The following TECPR2 variants were observed in gnomAD, a reference collection of about 807,000 sequenced individuals.
TECPR2 encodes tectonin beta-propeller repeat-containing protein 2.
A neutral mutation model predicts 138.1 loss-of-function variants in TECPR2; 65 were observed. The observed-to-expected ratio is 0.47, with a 90% CI of 0.39 to 0.58. The LOEUF (loss-of-function observed/expected upper bound fraction) is 0.58. Ranked by LOEUF, TECPR2 falls within the 20% of genes least tolerant of loss-of-function variation. The probability of loss-of-function intolerance (pLI) is 0.00; values close to 1 mark genes in which losing one functional copy is unlikely to be tolerated. For synonymous variants in TECPR2, 746 were observed against 749.8 expected (o/e 0.99, Z 0.08); for missense variants, 1,553 against 1,824.5 (o/e 0.85, Z 2.71).
chr14:102,496,934 G>C (rs1891296630), intron 17 of TECPR2, 45 bp from the exon 18 acceptor site: 1 of 1,603,630 alleles, frequency 6.2e-7, no homozygotes, highest in African/African-American at 1.3e-5. Context: ...CCTTTCTCTT[G>C]TCACCCAACT....
rs191411462 is a variant in TECPR2, at chr14:102,375,505, C to T, written c.-72-1145C>T. On this transcript the variant is annotated intron_variant, in intron 1 of 19. Transcript: ENST00000359520. The stretch of plus-strand genomic sequence containing the variant: ...GTAGAGAAAGAACATTCCAAGTGGA[C>T]GGAACAGCCAATGCAAGGGCCCTGG... 7.9e-5 allele frequency among the ~76,000 whole-genome samples: 12 copies of T among 152,178 alleles called. No homozygotes were observed. The East Asian group carries it at 1.7e-3, about 22-fold the overall frequency.
In TECPR2 at chr14:102,434,625, C is replaced by A. The variant is rs766945499; in HGVS notation, c.1808C>A (p.Pro603His). 18 of 1,589,238 alleles carry A rather than the reference C, an allele frequency of 1.1e-5. No individual in the cohort carries two copies. The highest frequency in any genetic ancestry group is 1.5e-5 in the Non-Finnish European group (18 of 1,163,964). The change falls in exon 9 of 20, where the codon CCT becomes CAT. Residue 603 changes from proline (P) to histidine (H), a missense_variant. Pro to His is a moderately conservative substitution (Grantham distance 77). Coordinates refer to ENST00000359520, the MANE Select transcript of TECPR2 (RefSeq NM_014844.5). The stretch of plus-strand genomic sequence containing the variant: ...ACGGGACTCGGAGATGAGCCGTGTC[C>A]TGCAGATGATGGACCAAATAGCACA... ...DVTGLGDEPCPADDGPNSTQL... is the reference protein window; with the variant it reads ...DVTGLGDEPCHADDGPNSTQL...
rs377358295 is a variant in TECPR2, at chr14:102,491,657, G to C, written c.3790-5322G>C. ...GCTGCAGCCTCCCAGCCTCCTTGCT[G>C]CAACCCTGAGCTACCCTCAGTTCTA... is the stretch of plus-strand genomic sequence containing the variant. On this transcript the variant is annotated intron_variant, in intron 17 of 19. Coordinates refer to ENST00000359520, the MANE Select transcript of TECPR2 (RefSeq NM_014844.5). Among the ~76,000 whole-genome samples, 118 of 152,298 alleles carry C rather than the reference G, an allele frequency of 7.7e-4. 2 individuals are homozygous for C. Among genetic ancestry groups the C allele is most frequent in the African/African-American group, 2.8e-3 (115 of 41,564 alleles).
chr14:102,410,784 C>A (rs909800661), intron 4 of TECPR2, among the ~76,000 whole-genome samples: 1 of 152,018 alleles, frequency 6.6e-6, no homozygotes, highest in African/African-American at 2.4e-5. Context: ...TCATACATGC[C>A]CTGCTCTGGT....
chr14:102,470,139 A>G (rs2139776068), intron 17 of TECPR2, among the ~76,000 whole-genome samples: 1 of 151,866 alleles, frequency 6.6e-6, no homozygotes, highest in East Asian at 1.9e-4. Flanking sequence ...CTTCTTTTCT[A>G]CTTTTTGGAA....
intron 6 of TECPR2, among the ~76,000 whole-genome samples, chr14:102,426,540 G>A (rs1032787415): frequency 3.3e-5 from 5 of 152,174 alleles, no homozygotes; most frequent in African/African-American, 1.2e-4. Flanking sequence ...TATAAGCAGA[G>A]CCTCACTGTA....
intron 2 of TECPR2, among the ~76,000 whole-genome samples, chr14:102,381,043 C>T (rs1423034293): frequency 2.0e-5 from 3 of 151,540 alleles, no homozygotes; most frequent in Non-Finnish European, 4.4e-5. Flanking sequence ...TGACTGCAAC[C>T]TCCACCTCCT....
intron 1 of TECPR2, among the ~76,000 whole-genome samples, chr14:102,364,628 G>A (rs1186045011): frequency 1.3e-5 from 2 of 152,210 alleles, no homozygotes; most frequent in African/African-American, 4.8e-5. Context: ...GCTTTTGTTA[G>A]GCATCAGCTA....
At chr14:102,380,466 C>T (rs1887772288) in intron 2 of TECPR2, among the ~76,000 whole-genome samples, 1 of 152,210 alleles carries the variant, frequency 6.6e-6, no homozygotes, top group Non-Finnish European at 1.5e-5. Context: ...AGGAAACTTA[C>T]AGTCATGGTG....
chr14:102,394,137 C>T (rs927212366), intron 2 of TECPR2, among the ~76,000 whole-genome samples: 1 of 152,162 alleles, frequency 6.6e-6, no homozygotes, highest in Admixed American at 6.6e-5. Context: ...AACTCCAGAT[C>T]ATAAAGTTTC....
rs1197800395 is a variant in TECPR2, at chr14:102,498,686, C to G, written c.*429C>G. On this transcript the variant is annotated 3_prime_UTR_variant, in exon 20 of 20. Transcript: ENST00000359520. ...AGGGCCAGATGGAGCCAAAGGTCAG[C>G]TCTCTGCAGCGCGGGATGTGCTCGG... 2.5e-6 allele frequency: 1 copy of G among 407,764 alleles called. No homozygotes were observed. Among genetic ancestry groups the G allele is most frequent in the Non-Finnish European group, 4.7e-6 (1 of 210,542 alleles). 25.3% of individuals were successfully genotyped at this position (407,764 alleles called of 1,614,324 possible). A position where few individuals can be genotyped will look rare whatever the true frequency, so the allele number is the denominator to read the frequency against.
intron 18 of TECPR2, 38 bp from the exon 19 acceptor site, chr14:102,497,532 C>A (rs753046498): frequency 4.0e-6 from 6 of 1,491,360 alleles, no homozygotes; most frequent in Non-Finnish European, 5.4e-6. Context: ...CCATCCCGTC[C>A]ATGGCAGGGG....
rs1276013766 is a variant in TECPR2, at chr14:102,452,381, C to A, written c.3407-13C>A. The stretch of plus-strand genomic sequence containing the variant: ...GACAACACCTCGATGACAAACATGA[C>A]CCCTTTCTGCAGGAAGCTTCCTGTG... On this transcript the variant is annotated splice_polypyrimidine_tract_variant and intron_variant, in intron 15 of 19. Transcript: ENST00000359520. 3.1e-6 allele frequency: 5 copies of A among 1,599,336 alleles called. No homozygotes were observed. Among genetic ancestry groups the A allele is most frequent in the Non-Finnish European group, 4.3e-6 (5 of 1,168,046 alleles).
At chr14:102,401,534 G>A (rs954463839) in intron 2 of TECPR2, among the ~76,000 whole-genome samples, 1 of 151,518 alleles carries the variant, frequency 6.6e-6, no homozygotes, top group East Asian at 1.9e-4. Flanking sequence ...AATCCCAGCA[G>A]TTTGGGAGGC....
chr14:102,425,564 T>TTTG lies in TECPR2; in HGVS notation c.951+301_951+303dup, dbSNP rs35980535. 0.038 allele frequency among the ~76,000 whole-genome samples: 5,768 copies of TTTG among 151,798 alleles called. 127 individuals are homozygous for TTTG. The highest frequency in any genetic ancestry group is 0.058 in the Non-Finnish European group (3,963 of 67,890). ...TAAACACAAAATTAAACTTGTTCTT[T>TTTG]TTGTTGTTGTTGTTGTTGTTGTTGT... On this transcript the variant is annotated intron_variant, in intron 6 of 19. Transcript: ENST00000359520.
Position 102,452,534 on chromosome 14 carries a change from G to T in TECPR2, c.3547G>T (p.Ala1183Ser), listed in dbSNP as rs568280601. 1 of 1,611,754 alleles carries T rather than the reference G, an allele frequency of 6.2e-7. No individual in the cohort carries two copies. Among genetic ancestry groups the T allele is most frequent in the East Asian group, 2.2e-5 (1 of 44,816 alleles). The change falls in exon 16 of 20, where the codon GCG (alanine) becomes TCG (serine). Residue 1183 changes from alanine (A) to serine (S), a missense_variant. By Grantham distance (99) the Ala-to-Ser change is moderately conservative. Coordinates refer to ENST00000359520, the MANE Select transcript of TECPR2 (RefSeq NM_014844.5). Reference sequence around the variant, plus strand: ...TGCCGCCTGCCAGGATGCGCTGTGGGCGCTGGACAGCCTCGGCCAGGTGTT... The same window carrying T: ...TGCCGCCTGCCAGGATGCGCTGTGGTCGCTGGACAGCCTCGGCCAGGTGTT... ...AYAACQDALWALDSLGQVFIR... is the reference protein window; with the variant it reads ...AYAACQDALWSLDSLGQVFIR...
chr14:102,412,426 C>A (rs547930261), intron 4 of TECPR2, among the ~76,000 whole-genome samples: 1 of 152,164 alleles, frequency 6.6e-6, no homozygotes, highest in East Asian at 1.9e-4. Flanking sequence ...AGCCACCGTG[C>A]CAGCTGATAA....
intron 10 of TECPR2, among the ~76,000 whole-genome samples, chr14:102,438,971 C>T (rs1291068304): frequency 6.6e-6 from 1 of 151,734 alleles, no homozygotes; most frequent in Non-Finnish European, 1.5e-5. Context: ...GCACTATTCT[C>T]CTGCCTCAGC....
intron 2 of TECPR2, among the ~76,000 whole-genome samples, chr14:102,378,668 A>G (rs1887706156): frequency 6.6e-6 from 1 of 152,172 alleles, no homozygotes; most frequent in Non-Finnish European, 1.5e-5. Context: ...CTTGTCGCCC[A>G]GGCTGGAGTG....
Sources: gnomAD v4.1 joint callset for allele counts (sites outside exome capture counted in the v4.1 genomes callset) on GRCh38, gnomAD v4.1.1 for gene constraint, MANE v1.5 for transcripts, NCBI Gene and HGNC (gene_info 2026-07-23, HGNC 2026-07-21) for gene names.